The following DNAJC4 variants were observed in gnomAD, a reference collection of about 807,000 sequenced individuals.
DNAJC4 encodes dnaJ homolog subfamily C member 4.
In DNAJC4, 26 loss-of-function variants were observed where a neutral mutation model predicts 26.8. The observed-to-expected ratio is 0.97, with a 90% confidence interval of 0.71 to 1.34. DNAJC4 has a LOEUF of 1.34. Ranked by LOEUF, DNAJC4 falls within the 40% of genes most tolerant of loss-of-function variation. The pLI is 0.00. For synonymous variants in DNAJC4, 134 were observed against 127.8 expected, an observed-to-expected ratio of 1.05 and a Z score of -0.33; for missense variants, 342 against 321.1, an observed-to-expected ratio of 1.07 and a Z score of -0.50.
chr11:64,231,507 A>C, intron 1 of DNAJC4: 1 of 212,116 alleles, frequency 4.7e-6, no homozygotes, highest in Non-Finnish European at 9.7e-6. Context: ...ACGCCCGGCT[A>C]ATTTTGTATT....
At chr11:64,230,522 C>T (rs1374321246), upstream of DNAJC4, 3 of 591,820 alleles carry the variant, frequency 5.1e-6, no homozygotes, top group African/African-American at 3.7e-5. Context: ...GGTCTGTGAG[C>T]AGCGGGGGCG....
In DNAJC4 at chr11:64,233,975, G is replaced by T. The variant is rs200992834; in HGVS notation, c.609G>T (p.Arg203=). Residue 203 remains arginine (R), a synonymous_variant, in exon 5 of 6, where the codon CGG becomes CGT. Transcript: ENST00000628077. ...CCTTCTACAACGAAGCCCGGGCACG[G>T]GCCAGGTCTGTCCCTGCTCTATTCT... ...ITAFYNEARA[R]ARANRGILQQ... 2 of 1,613,936 alleles carry T rather than the reference G, an allele frequency of 1.2e-6. No individual in the cohort carries two copies. The highest frequency in any genetic ancestry group is 1.7e-6 in the Non-Finnish European group (2 of 1,180,024).
chr11:64,232,151 G>A, intron 2 of DNAJC4, 187 bp downstream of exon 2: 1 of 723,650 alleles, frequency 1.4e-6, no homozygotes, highest in Non-Finnish European at 2.3e-6. Context: ...TGTCTGATGG[G>A]CTGGGCTTGG....
At position 64,231,060 on chromosome 11, in the gene DNAJC4, C is replaced by G. The variant is rs1343750878; in HGVS notation, c.86+120C>G. On this transcript the variant is annotated intron_variant, in intron 1 of 5. Coordinates refer to ENST00000628077, the MANE Select transcript of DNAJC4 (RefSeq NM_005528.4). The stretch of plus-strand genomic sequence containing the variant: ...GCTCCCAGGTTTGTCTCAGGTAACC[C>G]TCGCCTTCCCTGCTGAGGATCAGAG... The G allele has an allele frequency of 4.0e-6, 5 of 1,249,540 alleles. No individual in the cohort carries two copies. The Admixed American group carries it at 5.9e-5, about 15-fold the overall frequency. The allele number at this position is 1,249,540 out of a possible 1,614,324, so 77.4% of individuals were successfully genotyped here.
At chr11:64,231,115 A>C in intron 1 of DNAJC4, 175 bp downstream of exon 1, 1 of 852,948 alleles carries the variant, frequency 1.2e-6, no homozygotes, top group Non-Finnish European at 1.9e-6. Flanking sequence ...TCATACACCG[A>C]TTTAAGCGGC....
At chr11:64,231,833 TCCTTCAGCC>T in intron 1 of DNAJC4, 29 bp from the exon 2 acceptor site, 1 of 1,604,374 alleles carries the variant, frequency 6.2e-7, no homozygotes, top group Non-Finnish European at 8.5e-7. Flanking sequence ...GCTTCTGGGT[TCCTTCAGCC>T]CCTGCAAGGT....
chr11:64,232,593 A>T lies in DNAJC4; in HGVS notation c.344A>T (p.Lys115Met). ...TCTCCACGAACCACAGTCCATGACA[A>T]GTCTGCCCACCAAACACACAGGTAC... ...PKSPRTTVHD[K>M]SAHQTHSSWT... The change falls in exon 3 of 6, where the codon AAG (lysine) becomes ATG (methionine). Residue 115 changes from lysine (K) to methionine (M), a missense_variant. Transcript: ENST00000628077. The T allele has an allele frequency of 6.2e-7, 1 of 1,604,026 alleles. No individual in the cohort carries two copies. Among genetic ancestry groups the T allele is most frequent in the Non-Finnish European group, 8.5e-7 (1 of 1,172,560 alleles).
chr11:64,233,622 C>G (rs905053677), intron 4 of DNAJC4: 2 of 534,342 alleles, frequency 3.7e-6, no homozygotes, highest in Non-Finnish European at 6.7e-6. Flanking sequence ...TGGAGTTAGA[C>G]GCATACCCTT....
At chr11:64,232,400 G>A (rs776288235) in intron 2 of DNAJC4, 30 bp from the exon 3 acceptor site, 5 of 1,537,530 alleles carry the variant, frequency 3.3e-6, no homozygotes, top group South Asian at 2.4e-5. Context: ...ACAGGCAAAG[G>A]GAGATAAGGG....
chr11:64,232,797 CA>C lies in DNAJC4; in HGVS notation c.462del (p.Lys154AsnfsTer25). 6.2e-7 allele frequency: 1 copy of C among 1,613,370 alleles called. No individual in the cohort carries two copies. Among genetic ancestry groups the C allele is most frequent in the Non-Finnish European group, 8.5e-7 (1 of 1,179,684 alleles). On this transcript the variant is annotated frameshift_variant, in exon 4 of 6. Transcript: ENST00000628077. LOFTEE classifies it high-confidence loss of function. ...QLRQQQHKQN[K>X]QVLGYCLLLM... is the part of the protein sequence containing the mutation. ...TGAGGCAGCAGCAACACAAACAAAA[CA>C]AACAAGTGCTGGGGTACTGCCTCCT...
intron 3 of DNAJC4, 22 bp downstream of exon 3, chr11:64,232,636 C>G: frequency 6.3e-7 from 1 of 1,582,730 alleles, no homozygotes; most frequent in Non-Finnish European, 8.6e-7. Flanking sequence ...CTGCCCTCAG[C>G]TTGCCCCACC....
intron 4 of DNAJC4, chr11:64,233,685 A>G (rs1947207107): frequency 3.2e-6 from 2 of 632,424 alleles, no homozygotes; most frequent in East Asian, 2.8e-5. Flanking sequence ...TCACACCTCA[A>G]AGTGACCAGG....
rs760961158 is a variant in DNAJC4, at chr11:64,232,548, G to T, written c.299G>T (p.Arg100Leu). The T allele has an allele frequency of 3.1e-6, 5 of 1,612,738 alleles. No homozygotes were observed. The highest frequency in any genetic ancestry group is 4.2e-6 in the Non-Finnish European group (5 of 1,179,146). ...QSRRSYDDQL[R>L]SGSPPKSPRT... is the part of the protein sequence containing the mutation. ...CGCCGCAGCTATGATGACCAGCTCC[G>T]CTCAGGTAGTCCCCCAAAGTCTCCA... Residue 100 changes from arginine to leucine, a missense_variant, in exon 3 of 6, where the codon CGC becomes CTC. By Grantham distance (102) the Arg-to-Leu change is moderately radical. Transcript: ENST00000628077.
At position 64,232,505 on chromosome 11, in the gene DNAJC4, C is replaced by G. The variant is rs766341609; in HGVS notation, c.256C>G (p.Leu86Val). Residue 86 changes from leucine (L) to valine (V), a missense_variant, in exon 3 of 6, where the codon CTC becomes GTC. Physicochemically the swap from Leu to Val is conservative, Grantham distance 32. Coordinates refer to ENST00000628077, the MANE Select transcript of DNAJC4 (RefSeq NM_005528.4). ...GGAGCTGAGCGAGGCATACCGTGTG[C>G]TCAGCCGTGAGCAGAGCCGCCGCAG... ...FVELSEAYRV[L>V]SREQSRRSYD... 1.2e-6 allele frequency: 2 copies of G among 1,613,094 alleles called. No individual in the cohort carries two copies. Among genetic ancestry groups the G allele is most frequent in the Non-Finnish European group, 1.7e-6 (2 of 1,179,324 alleles).
rs1223723652 is a variant in DNAJC4 at position 64,232,659 on chromosome 11, G to A, written c.365+45G>A. 3 of 1,579,296 alleles carry A rather than the reference G, an allele frequency of 1.9e-6. No individual in the cohort carries two copies. The African/African-American group carries it at 4.0e-5, about 21-fold the overall frequency. On this transcript the variant is annotated intron_variant, in intron 3 of 5. Transcript: ENST00000628077. ...AGCTTGCCCCACCCCCAGGTCTCTT[G>A]GGTAGTCTCATTTCCACAATGTCCC...
rs1206864599 is a variant in DNAJC4 at position 64,232,852 on chromosome 11, T to A, written c.514T>A (p.Tyr172Asn). ...CATGCTGGCGGGCATGGGCCTGCAC[T>A]ACATTGCCTTCAGGTGATGCCTGTT... ...LLMLAGMGLHYIAFRKVKQMH... is the reference protein window; with the variant it reads ...LLMLAGMGLHNIAFRKVKQMH... Residue 172 changes from tyrosine (Y) to asparagine (N), a missense_variant, in exon 4 of 6, where the codon TAC (tyrosine) becomes AAC (asparagine). By Grantham distance (143) the Tyr-to-Asn change is moderately radical. Coordinates refer to ENST00000628077, the MANE Select transcript of DNAJC4 (RefSeq NM_005528.4). The A allele has an allele frequency of 9.4e-6, 15 of 1,595,808 alleles. No homozygotes were observed. In the South Asian group the frequency reaches 1.5e-4, roughly 16 times the overall value.
rs775962771 is a variant in DNAJC4 at position 64,234,045 on chromosome 11, C to T, written c.615-28C>T. The stretch of plus-strand genomic sequence containing the variant: ...GGAACCACACTTCGGGATCCCTATC[C>T]CAACCACCCAGGTGCCCTCTCCTCC... On this transcript the variant is annotated intron_variant, in intron 5 of 5. Transcript: ENST00000628077. The surrounding 1 kb of genome is among the most constrained non-coding windows in gnomAD (Gnocchi z 5.3). The T allele has an allele frequency of 2.5e-6, 4 of 1,613,758 alleles. No homozygotes were observed. In the South Asian group the frequency reaches 3.3e-5, roughly 13 times the overall value.
chr11:64,233,734 ACT>A lies in DNAJC4; in HGVS notation c.528-157_528-156del. 2.4e-5 allele frequency: 24 copies of A among 989,512 alleles called. No individual in the cohort carries two copies. In the South Asian group the frequency reaches 3.6e-4, roughly 15 times the overall value. The allele number at this position is 989,512 out of a possible 1,614,324, so 61.3% of individuals were successfully genotyped here. On this transcript the variant is annotated intron_variant, in intron 4 of 5. Transcript: ENST00000628077. ...ATTGGACCCTAGACAAGCCAGGGCC[ACT>A]CTGAGCCCTCCCTATCTATCACAGG...
At chr11:64,230,971 G>T in intron 1 of DNAJC4, 31 bp downstream of exon 1, 1 of 1,537,296 alleles carries the variant, frequency 6.5e-7, no homozygotes, top group East Asian at 2.4e-5. Context: ...CGGCCCGGTT[G>T]TTCAATGGGT....
Sources: allele counts gnomAD v4.1 joint callset, GRCh38; gene constraint gnomAD v4.1.1; non-coding constraint Gnocchi (gnomAD v3.1); transcripts MANE v1.5; gene names NCBI Gene and HGNC (gene_info 2026-07-23, HGNC 2026-07-21).